Variants in CACNA1C observed in about 807,000 individuals in gnomAD.
The protein encoded by CACNA1C is voltage-dependent L-type calcium channel subunit alpha-1C.
Under a neutral mutation model 229.0 loss-of-function variants are expected in CACNA1C, and 30 were observed. The observed-to-expected ratio is 0.13, with a 90% CI of 0.10 to 0.18. The LOEUF (loss-of-function observed/expected upper bound fraction) is 0.18, where lower values mean the gene tolerates loss of function less well. Ranked by LOEUF, CACNA1C falls within the 10% of genes least tolerant of loss-of-function variation. CACNA1C has a pLI of 1.00. For missense variants in CACNA1C, 1,658 were observed against 2,845.0 expected, an observed-to-expected ratio of 0.58 and a Z score of 9.49; for synonymous variants, 1,114 against 1,132.5, an observed-to-expected ratio of 0.98 and a Z score of 0.33.
intron 1 of CACNA1C, among the ~76,000 whole-genome samples, chr12:2,026,197 A>C (rs1565962231): frequency 6.6e-6 from 1 of 152,234 alleles, no homozygotes; most frequent in Non-Finnish European, 1.5e-5. Flanking sequence ...GGGTGGGAGA[A>C]AAGGATACAA....
intron 34 of CACNA1C, among the ~76,000 whole-genome samples, chr12:2,662,035 G>C (rs1355913711): frequency 6.6e-6 from 1 of 152,186 alleles, no homozygotes; most frequent in African/African-American, 2.4e-5. Context: ...GAGGTCAGGA[G>C]ATCGAGACCA....
chr12:2,651,337 G>A lies in CACNA1C; in HGVS notation c.3946-303G>A. 1 of 503,944 alleles carries A rather than the reference G, an allele frequency of 2.0e-6. No individual in the cohort carries two copies. 31.2% of individuals were successfully genotyped at this position (503,944 alleles called of 1,614,324 possible). On this transcript the variant is annotated intron_variant, in intron 31 of 46. Coordinates refer to ENST00000399655, the MANE Select transcript of CACNA1C (RefSeq NM_000719.7). This position sits in a 1 kb window ranked among gnomAD's most constrained non-coding sequence, Gnocchi z 5.4. ...CCAAAGCCTATGGTAGTTCCTGATG[G>A]AGTCGTCTGTCCTCCATCCAGGGCA...
chr12:2,415,273 A>G (rs988533865), intron 3 of CACNA1C, among the ~76,000 whole-genome samples: 21 of 151,952 alleles, frequency 1.4e-4, no homozygotes, highest in African/African-American at 5.1e-4. Flanking sequence ...TGTTTCTTCC[A>G]CTGTGAGTAG....
At chr12:2,427,001 ACT>A (rs1385193097) in intron 3 of CACNA1C, among the ~76,000 whole-genome samples, 1 of 152,164 alleles carries the variant, frequency 6.6e-6, no homozygotes, top group Non-Finnish European at 1.5e-5. Context: ...GAGGAAATAG[ACT>A]CTGATTCTGG....
In CACNA1C at chr12:2,403,736, TGAGCCCCAGGTA is replaced by T. The variant is rs1474431842; in HGVS notation, c.478-45237_478-45226del. On this transcript the variant is annotated intron_variant, in intron 3 of 46. Transcript: ENST00000399655. The surrounding 1 kb of genome is among the most constrained non-coding windows in gnomAD (Gnocchi z 4.1). ...CAGTCCAGCCCCCACCATCTCCCAG[TGAGCCCCAGGTA>T]GACGTCTGCCACATCACTCAGGGGC... 6.6e-6 allele frequency among the ~76,000 whole-genome samples: 1 copy of T among 152,092 alleles called. No individual in the cohort carries two copies. Among genetic ancestry groups the T allele is most frequent in the East Asian group, 1.9e-4 (1 of 5,172 alleles).
intron 3 of CACNA1C, among the ~76,000 whole-genome samples, chr12:2,237,921 G>A (rs965328314): frequency 3.3e-5 from 5 of 152,128 alleles, no homozygotes; most frequent in African/African-American, 9.7e-5. Flanking sequence ...CTTTATTTAC[G>A]TACCCAAAAC....
intron 3 of CACNA1C, among the ~76,000 whole-genome samples, chr12:2,442,305 C>T (rs2099236511): frequency 6.6e-6 from 1 of 152,224 alleles, no homozygotes; most frequent in Non-Finnish European, 1.5e-5. Flanking sequence ...CTGGGGCTCT[C>T]TCTCCACTGA....
chr12:2,565,340 G>A lies in CACNA1C; in HGVS notation c.1509-1082G>A, dbSNP rs542710039. ...AAATTAGCCGGGCGCGGTGGCGGGC[G>A]CCTGTAGTCCCAGCTACTCGGGAGG... On this transcript the variant is annotated intron_variant, in intron 11 of 46. Transcript: ENST00000399655. Among the ~76,000 whole-genome samples the A allele has an allele frequency of 2.3e-3, 347 of 151,914 alleles. 2 individuals carry two copies. Among genetic ancestry groups the A allele is most frequent in the Non-Finnish European group, 4.1e-3 (277 of 67,950 alleles).
intron 3 of CACNA1C, among the ~76,000 whole-genome samples, chr12:2,130,292 CT>C (rs112966901): frequency 0.11 from 15,839 of 140,686 alleles, 1,041 homozygotes; most frequent in East Asian, 0.26. Context: ...TTAAATATCT[CT>C]TTTTTTTTTC....
At chr12:2,301,782 C>T (rs958529719) in intron 3 of CACNA1C, among the ~76,000 whole-genome samples, 1 of 152,194 alleles carries the variant, frequency 6.6e-6, no homozygotes, top group African/African-American at 2.4e-5. Flanking sequence ...TTCCAAGCCC[C>T]AGACTCTGAA....
intron 3 of CACNA1C, among the ~76,000 whole-genome samples, chr12:2,197,499 T>C (rs1278219186): frequency 1.3e-5 from 2 of 152,362 alleles, no homozygotes; most frequent in South Asian, 2.1e-4. Context: ...CTTATTATTA[T>C]GTAATAAAGC....
Position 2,597,571 on chromosome 12 carries a change from C to A in CACNA1C, c.2853+282C>A, listed in dbSNP as rs2068991007. 5.0e-6 allele frequency: 5 copies of A among 1,001,190 alleles called. No individual in the cohort carries two copies. In the South Asian group the frequency reaches 6.5e-5, roughly 13 times the overall value. The allele number at this position is 1,001,190 out of a possible 1,614,324, so 62.0% of individuals were successfully genotyped here. A position where few individuals can be genotyped will look rare whatever the true frequency, so the allele number is the denominator to read the frequency against. ...TGCTCTGTGTGGCTGGATCTTTTGT[C>A]TTTTCTGTTTCTTTCACTCTCTCTT... On this transcript the variant is annotated intron_variant, in intron 21 of 46. Transcript: ENST00000399655. The surrounding 1 kb of genome is among the most constrained non-coding windows in gnomAD (Gnocchi z 4.3).
intron 3 of CACNA1C, among the ~76,000 whole-genome samples, chr12:2,391,415 G>T (rs577392029): frequency 6.6e-6 from 1 of 152,258 alleles, no homozygotes; most frequent in Admixed American, 6.5e-5. Flanking sequence ...TTGATTTTTG[G>T]GCAACGTCTA....
Position 2,695,132 on chromosome 12 carries a change from A to C in CACNA1C, c.*3933A>C, listed in dbSNP as rs2097828559. On this transcript the variant is annotated 3_prime_UTR_variant, in exon 47 of 47. Transcript: ENST00000399655. The stretch of plus-strand genomic sequence containing the variant: ...GAGTCTGGGCCGTTTCCATATTTTA[A>C]AGAAGACCTGCCTCTGGGGCAAATG... 6.6e-6 allele frequency: 1 copy of C among 152,212 alleles called. No individual in the cohort carries two copies. The highest frequency in any genetic ancestry group is 1.5e-5 in the Non-Finnish European group (1 of 68,050). The allele number at this position is 152,212 out of a possible 1,614,324, so 9.4% of individuals were successfully genotyped here.
intron 3 of CACNA1C, among the ~76,000 whole-genome samples, chr12:2,300,689 C>T (rs1293247062): frequency 1.3e-5 from 2 of 152,134 alleles, no homozygotes; most frequent in Non-Finnish European, 2.9e-5. Flanking sequence ...GCCGTCTGGT[C>T]TGGGAAGTAC....
At chr12:2,097,326 T>C (rs982586339) in intron 1 of CACNA1C, among the ~76,000 whole-genome samples, 3 of 151,944 alleles carry the variant, frequency 2.0e-5, no homozygotes, top group African/African-American at 7.3e-5. Context: ...TTTTGTATTT[T>C]TAGTAGAGAC....
upstream of CACNA1C, chr12:2,052,916 G>A (rs1312692252): frequency 5.9e-5 from 54 of 922,894 alleles, no homozygotes; most frequent in Non-Finnish European, 6.4e-5. Flanking sequence ...CGGGCGGCGC[G>A]GGCAGGGGCG....
At chr12:2,049,052 C>T (rs1259866325), upstream of CACNA1C, 3 of 152,198 alleles carry the variant, frequency 2.0e-5, no homozygotes, top group African/African-American at 7.2e-5. Context: ...GTAATATTTT[C>T]GTGACTTGTT....
At chr12:2,066,701 A>G (rs11062101) in intron 1 of CACNA1C, among the ~76,000 whole-genome samples, 1,866 of 152,180 alleles carry the variant, frequency 0.012, 30 homozygotes, top group African/African-American at 0.042. Flanking sequence ...TGGAAATGCA[A>G]GAGAGGGGAG....
Sources: gnomAD v4.1 joint callset for allele counts (sites outside exome capture counted in the v4.1 genomes callset) on GRCh38, gnomAD v4.1.1 for gene constraint, Gnocchi (gnomAD v3.1) non-coding constraint, MANE v1.5 for transcripts, NCBI Gene and HGNC (gene_info 2026-07-23, HGNC 2026-07-21) for gene names.